The following LRP1B variants were observed in gnomAD, a reference collection of about 807,000 sequenced individuals.
LRP1B encodes the protein low-density lipoprotein receptor-related protein 1B.
LRP1B carries 217 observed loss-of-function variants against 556.6 expected under a neutral mutation model. The ratio of observed to expected loss-of-function variants is 0.39; its 90% CI spans 0.35 to 0.44. The LOEUF (loss-of-function observed/expected upper bound fraction) is 0.44, where lower values mean the gene tolerates loss of function less well. LRP1B is among the 20% of genes least tolerant of loss of function. The pLI is 1.00. For missense variants in LRP1B, 5,053 were observed against 5,620.8 expected (o/e 0.90, Z 3.23); for synonymous variants, 2,047 against 1,865.8 (o/e 1.10, Z -2.50).
intron 15 of LRP1B, among the ~76,000 whole-genome samples, chr2:141,001,442 G>T (rs895645983): frequency 6.6e-6 from 1 of 151,966 alleles, no homozygotes; most frequent in African/African-American, 2.4e-5. Context: ...TTTACATTAG[G>T]TATATCTCCT....
At chr2:141,217,511 G>A (rs911507594) in intron 6 of LRP1B, among the ~76,000 whole-genome samples, 1 of 152,076 alleles carries the variant, frequency 6.6e-6, no homozygotes, top group South Asian at 2.1e-4. Flanking sequence ...CTCAATAAAT[G>A]GTGCTGAGAA....
At chr2:140,264,497 G>A (rs564072585) in intron 86 of LRP1B, among the ~76,000 whole-genome samples, 4 of 152,072 alleles carry the variant, frequency 2.6e-5, no homozygotes, top group African/African-American at 4.8e-5. Context: ...CAAGTGATCC[G>A]CCCACCTCGG....
intron 2 of LRP1B, among the ~76,000 whole-genome samples, chr2:141,730,913 G>A (rs974386379): frequency 6.6e-6 from 1 of 152,102 alleles, no homozygotes; most frequent in Non-Finnish European, 1.5e-5. Context: ...TTTTTGGCAT[G>A]TAAATACTCC....
At chr2:140,482,106 A>G (rs547933736) in intron 59 of LRP1B, among the ~76,000 whole-genome samples, 2 of 152,136 alleles carry the variant, frequency 1.3e-5, no homozygotes, top group Non-Finnish European at 2.9e-5. Context: ...TCAGCTACCT[A>G]CATACTAGAC....
At chr2:141,528,688 T>G (rs1410010629) in intron 2 of LRP1B, among the ~76,000 whole-genome samples, 3 of 152,126 alleles carry the variant, frequency 2.0e-5, no homozygotes, top group Non-Finnish European at 2.9e-5. Context: ...ATCATCTGAA[T>G]TAAATTAGAA....
At chr2:140,399,788 T>C (rs929298506) in intron 66 of LRP1B, among the ~76,000 whole-genome samples, 7 of 152,150 alleles carry the variant, frequency 4.6e-5, no homozygotes, top group Non-Finnish European at 1.0e-4. Context: ...GAGGAAACCA[T>C]TGTGATAGAT....
At chr2:141,247,396 T>C in intron 4 of LRP1B, 42 bp from the exon 5 acceptor site, 2 of 1,595,236 alleles carry the variant, frequency 1.3e-6, no homozygotes, top group South Asian at 1.1e-5. Flanking sequence ...AGCTTTATCT[T>C]GGGCACTTTT....
chr2:141,628,050 C>T (rs1463175177), intron 2 of LRP1B, among the ~76,000 whole-genome samples: 1 of 152,172 alleles, frequency 6.6e-6, no homozygotes, highest in Admixed American at 6.5e-5. Flanking sequence ...AGATAATCCA[C>T]AGTTAGGTGG....
At chr2:140,440,497 C>A (rs1686377082) in intron 66 of LRP1B, among the ~76,000 whole-genome samples, 1 of 152,106 alleles carries the variant, frequency 6.6e-6, no homozygotes, top group African/African-American at 2.4e-5. Context: ...TCAATAAAAA[C>A]AGCAGAAGGA....
At chr2:142,067,719 T>C (rs1276773744) in intron 1 of LRP1B, among the ~76,000 whole-genome samples, 48 of 151,530 alleles carry the variant, frequency 3.2e-4, no homozygotes, top group Non-Finnish European at 8.9e-5. Context: ...CTCTGACTTA[T>C]AACTTTTTTC....
chr2:141,048,002 T>G (rs1698927885), intron 11 of LRP1B, among the ~76,000 whole-genome samples: 1 of 152,124 alleles, frequency 6.6e-6, no homozygotes, highest in African/African-American at 2.4e-5. Context: ...AGCTTTGAAC[T>G]TATTAATTAA....
intron 27 of LRP1B, among the ~76,000 whole-genome samples, 175 bp from the exon 28 acceptor site, chr2:140,851,958 T>TA (rs533556413): frequency 7.2e-4 from 109 of 152,260 alleles, no homozygotes; most frequent in African/African-American, 2.1e-3. Context: ...ATTACATTAA[T>TA]AAAAAAACAT....
chr2:141,855,757 C>G (rs1208865647), intron 1 of LRP1B, among the ~76,000 whole-genome samples: 1 of 152,016 alleles, frequency 6.6e-6, no homozygotes, highest in Non-Finnish European at 1.5e-5. Flanking sequence ...TACGCCACAT[C>G]CAAACAAGTG....
intron 25 of LRP1B, among the ~76,000 whole-genome samples, chr2:140,877,257 C>A (rs759987812): frequency 7.9e-5 from 12 of 152,174 alleles, no homozygotes; most frequent in Non-Finnish European, 1.5e-4. Context: ...GTGGCCTATA[C>A]TGATTTTCCA....
At chr2:140,839,226 A>C (rs924997324) in intron 31 of LRP1B, among the ~76,000 whole-genome samples, 2 of 152,240 alleles carry the variant, frequency 1.3e-5, no homozygotes, top group Non-Finnish European at 2.9e-5. Flanking sequence ...TTCATTATTT[A>C]ATACATTGCA....
chr2:140,637,033 A>G (rs1684093638), intron 41 of LRP1B, among the ~76,000 whole-genome samples: 2 of 152,182 alleles, frequency 1.3e-5, no homozygotes, highest in Admixed American at 1.3e-4. Context: ...TATTTTATTA[A>G]TGGCTTTGGA....
intron 71 of LRP1B, among the ~76,000 whole-genome samples, chr2:140,368,315 C>T (rs2105159955): frequency 6.6e-6 from 1 of 151,904 alleles, no homozygotes; most frequent in South Asian, 2.1e-4. Context: ...TTGGAAAGTT[C>T]ATATAAATCT....
chr2:141,691,136 T>A (rs546286925), intron 2 of LRP1B, among the ~76,000 whole-genome samples: 1 of 151,986 alleles, frequency 6.6e-6, no homozygotes, highest in South Asian at 2.1e-4. Flanking sequence ...CTGTAAGGAC[T>A]TTGTTACTGT....
At chr2:140,676,558 A>G (rs1422638755) in intron 41 of LRP1B, among the ~76,000 whole-genome samples, 2 of 152,182 alleles carry the variant, frequency 1.3e-5, no homozygotes, top group African/African-American at 4.8e-5. Flanking sequence ...TCACAAAATA[A>G]GTTTGCTGCT....
Sources: gnomAD v4.1 joint callset for allele counts (sites outside exome capture counted in the v4.1 genomes callset) on GRCh38, gnomAD v4.1.1 for gene constraint, MANE v1.5 for transcripts, NCBI Gene and HGNC (gene_info 2026-07-23, HGNC 2026-07-21) for gene names.